The following NEK7 variants were observed in gnomAD, a reference collection of about 807,000 sequenced individuals.
NEK7 encodes the protein serine/threonine-protein kinase Nek7.
In NEK7, 18 loss-of-function variants were observed where a neutral mutation model predicts 44.6. That is an observed-to-expected ratio of 0.40 (90% CI 0.28 to 0.60). The LOEUF (loss-of-function observed/expected upper bound fraction) is 0.60, where lower values mean the gene tolerates loss of function less well. Among genes scored for constraint, NEK7 ranks in the 20% least tolerant of loss-of-function variants. The pLI, the probability that NEK7 is intolerant of heterozygous loss-of-function variation, is 0.38. For missense variants in NEK7, 256 were observed against 366.5 expected, an observed-to-expected ratio of 0.70 and a Z score of 2.46; for synonymous variants, 130 against 121.1, an observed-to-expected ratio of 1.07 and a Z score of -0.48.
At chr1:198,247,859 C>T (rs1454772070) in intron 2 of NEK7, among the ~76,000 whole-genome samples, 2 of 151,966 alleles carry the variant, frequency 1.3e-5, no homozygotes, top group South Asian at 2.1e-4. Flanking sequence ...AAGTGTTGCC[C>T]GTATATCAAA....
At chr1:198,199,042 T>C (rs1665333784) in intron 1 of NEK7, among the ~76,000 whole-genome samples, 1 of 152,216 alleles carries the variant, frequency 6.6e-6, no homozygotes, top group African/African-American at 2.4e-5. Flanking sequence ...AGCTGCAAAT[T>C]CCCATGTTTG....
At chr1:198,265,161 C>T (rs955915582) in intron 5 of NEK7, among the ~76,000 whole-genome samples, 6 of 152,014 alleles carry the variant, frequency 3.9e-5, no homozygotes, top group African/African-American at 1.4e-4. Flanking sequence ...AAAGCACATT[C>T]CTGAGTGCTG....
At chr1:198,285,457 C>T (rs1654338578) in intron 7 of NEK7, among the ~76,000 whole-genome samples, 1 of 152,182 alleles carries the variant, frequency 6.6e-6, no homozygotes, top group Non-Finnish European at 1.5e-5. Context: ...GTTGTAGACG[C>T]TTGTTGGTCT....
intron 1 of NEK7, among the ~76,000 whole-genome samples, chr1:198,205,663 CA>C (rs1470891952): frequency 6.6e-6 from 1 of 150,908 alleles, no homozygotes; most frequent in Non-Finnish European, 1.5e-5. Flanking sequence ...ACTGCACTCA[CA>C]TTTTTTTTTT....
chr1:198,269,942 C>A (rs904537712), intron 5 of NEK7, among the ~76,000 whole-genome samples: 2 of 151,996 alleles, frequency 1.3e-5, no homozygotes, highest in African/African-American at 4.8e-5. Flanking sequence ...TCGACTCTTA[C>A]AAAACAGATT....
chr1:198,274,368 A>G (rs1038677516), intron 5 of NEK7, among the ~76,000 whole-genome samples: 1 of 151,558 alleles, frequency 6.6e-6, no homozygotes, highest in Non-Finnish European at 1.5e-5. Flanking sequence ...AAAATTAAAA[A>G]TTTTTAAGAT....
chr1:198,302,656 T>G (rs957581379), intron 9 of NEK7, among the ~76,000 whole-genome samples: 3 of 152,168 alleles, frequency 2.0e-5, no homozygotes, highest in African/African-American at 7.2e-5. Flanking sequence ...ATTTATAGGT[T>G]ATTGGAGAGT....
intron 1 of NEK7, among the ~76,000 whole-genome samples, chr1:198,161,233 T>C (rs1048796394): frequency 1.3e-5 from 2 of 152,226 alleles, no homozygotes; most frequent in Non-Finnish European, 2.9e-5. Context: ...AGTCTTCTGT[T>C]GGTAGTGGGT....
chr1:198,238,270 G>A (rs182562704), intron 2 of NEK7, among the ~76,000 whole-genome samples: 3 of 151,944 alleles, frequency 2.0e-5, no homozygotes, highest in African/African-American at 7.2e-5. Flanking sequence ...ACATACATAG[G>A]ATCAGGAGGT....
chr1:198,233,433 T>A (rs888116837), intron 2 of NEK7, among the ~76,000 whole-genome samples: 1 of 152,184 alleles, frequency 6.6e-6, no homozygotes, highest in African/African-American at 2.4e-5. Flanking sequence ...ACCTCATTTT[T>A]ATTGCTGTTG....
At chr1:198,228,347 G>A (rs1023655461) in intron 1 of NEK7, among the ~76,000 whole-genome samples, 1 of 152,136 alleles carries the variant, frequency 6.6e-6, no homozygotes, top group Non-Finnish European at 1.5e-5. Context: ...ACTTGGCAAT[G>A]CAGGCTCTTT....
chr1:198,196,177 C>CA (rs1665231320), intron 1 of NEK7, among the ~76,000 whole-genome samples: 1 of 152,050 alleles, frequency 6.6e-6, no homozygotes, highest in South Asian at 2.1e-4. Context: ...CTGAGAAGCT[C>CA]AAAGGGCATT....
intron 1 of NEK7, among the ~76,000 whole-genome samples, chr1:198,187,066 G>A (rs1664945532): frequency 6.6e-6 from 1 of 152,176 alleles, no homozygotes; most frequent in African/African-American, 2.4e-5. Context: ...CCCATTGCCT[G>A]TGGTAACTAA....
chr1:198,222,210 A>G (rs1349137401), intron 1 of NEK7, among the ~76,000 whole-genome samples: 1 of 152,112 alleles, frequency 6.6e-6, no homozygotes, highest in Non-Finnish European at 1.5e-5. Flanking sequence ...AATGTGTATT[A>G]GGTTTCTGGA....
At chr1:198,297,689 G>T (rs376752419) in intron 9 of NEK7, among the ~76,000 whole-genome samples, 1 of 152,128 alleles carries the variant, frequency 6.6e-6, no homozygotes, top group East Asian at 1.9e-4. Flanking sequence ...TCCAAAACTC[G>T]AAACACGCAT....
At chr1:198,279,499 G>A (rs1654126209) in intron 7 of NEK7, among the ~76,000 whole-genome samples, 1 of 151,896 alleles carries the variant, frequency 6.6e-6, no homozygotes, top group Non-Finnish European at 1.5e-5. Flanking sequence ...AATTACTAAA[G>A]GAGATCATTT....
At chr1:198,250,959 C>A (rs1051890250) in intron 2 of NEK7, among the ~76,000 whole-genome samples, 5 of 152,126 alleles carry the variant, frequency 3.3e-5, no homozygotes, top group Admixed American at 3.3e-4. Context: ...GTCTTGTGCC[C>A]GTTTTCAAAG....
At chr1:198,275,872 C>T (rs1654003495) in intron 5 of NEK7, among the ~76,000 whole-genome samples, 1 of 151,236 alleles carries the variant, frequency 6.6e-6, no homozygotes, top group African/African-American at 2.4e-5. Flanking sequence ...AAACCCTATA[C>T]TTAAGGAATG....
chr1:198,201,718 C>G (rs1665434249), intron 1 of NEK7, among the ~76,000 whole-genome samples: 1 of 152,132 alleles, frequency 6.6e-6, no homozygotes, highest in Admixed American at 6.5e-5. Context: ...ATTTTCTTCT[C>G]TTTCCGGAGC....
Sources: gnomAD v4.1 joint callset for allele counts (sites outside exome capture counted in the v4.1 genomes callset) on GRCh38, gnomAD v4.1.1 for gene constraint, MANE v1.5 for transcripts, NCBI Gene and HGNC (gene_info 2026-07-23, HGNC 2026-07-21) for gene names.